The following CEP43 variants were observed in gnomAD, a reference collection of about 807,000 sequenced individuals.
CEP43 encodes the protein FGFR1 oncogene partner.
Under a neutral mutation model 52.6 loss-of-function variants are expected in CEP43, and 36 were observed. The ratio of observed to expected loss-of-function variants is 0.68; its 90% CI spans 0.52 to 0.90. The LOEUF (loss-of-function observed/expected upper bound fraction) is 0.90, where lower values mean the gene tolerates loss of function less well. CEP43 is among the 40% of genes least tolerant of loss of function. CEP43 has a pLI of 0.00. For missense variants in CEP43, 506 were observed against 472.8 expected, an observed-to-expected ratio of 1.07 and a Z score of -0.65; for synonymous variants, 192 against 172.4, an observed-to-expected ratio of 1.11 and a Z score of -0.89.
chr6:167,036,620 T>C, intron 12 of CEP43: 1 of 985,434 alleles, frequency 1.0e-6, no homozygotes. Context: ...CAAGTTCCCG[T>C]CGATTTGTAT....
At chr6:167,013,642 T>G (rs1780031887) in intron 7 of CEP43, 75 bp downstream of exon 7, 2 of 1,189,282 alleles carry the variant, frequency 1.7e-6, no homozygotes, top group African/African-American at 3.1e-5. Flanking sequence ...CCTGGAGCGC[T>G]GGGCTCCTGT....
rs2128657503 is a variant in CEP43, at chr6:167,004,362, G to A, written c.399G>A (p.Arg133=). The A allele has an allele frequency of 1.9e-6, 3 of 1,605,242 alleles. 1 individual carries two copies. In the East Asian group the frequency reaches 6.7e-5, roughly 36 times the overall value. ...VGGPLLLEVI[R]RCQQKEKGPT... is the part of the protein sequence containing the mutation. Reference sequence around the variant, plus strand: ...GACCCTTATTATTAGAAGTGATCAGGCGCTGTCAACAGAAAGAAAAAGGGC... The same window carrying A: ...GACCCTTATTATTAGAAGTGATCAGACGCTGTCAACAGAAAGAAAAAGGGC... Residue 133 remains arginine (R), a synonymous_variant, in exon 5 of 13, where the codon AGG becomes AGA. Transcript: ENST00000366847.
intron 8 of CEP43, among the ~76,000 whole-genome samples, chr6:167,023,305 A>G (rs1373640732): frequency 6.6e-6 from 1 of 152,166 alleles, no homozygotes; most frequent in African/African-American, 2.4e-5. Context: ...TTGCTGGGGA[A>G]GGTTGGTCTT....
intron 3 of CEP43, chr6:167,003,513 T>C (rs1269688498): frequency 1.1e-5 from 6 of 536,616 alleles, no homozygotes; most frequent in Admixed American, 1.0e-4. Context: ...GATGATTGTC[T>C]TACAGTTAGT....
intron 12 of CEP43, 111 bp from the exon 13 acceptor site, chr6:167,039,793 C>G: frequency 1.9e-6 from 2 of 1,055,996 alleles, no homozygotes; most frequent in Non-Finnish European, 2.8e-6. Context: ...TTGATTATGG[C>G]CATTCTTGCA....
At chr6:167,003,581 A>G (rs892747776) in intron 3 of CEP43, 142 bp from the exon 4 acceptor site, 1 of 589,716 alleles carries the variant, frequency 1.7e-6, no homozygotes, top group Non-Finnish European at 3.0e-6. Context: ...TTACTTAATC[A>G]TATTATTCAA....
chr6:167,017,187 G>A (rs1025690368), intron 7 of CEP43, among the ~76,000 whole-genome samples: 1 of 151,808 alleles, frequency 6.6e-6, no homozygotes, highest in African/African-American at 2.4e-5. Context: ...AGTAGAGACG[G>A]GGTTTCACTG....
intron 7 of CEP43, among the ~76,000 whole-genome samples, chr6:167,019,748 T>C (rs1464413626): frequency 6.6e-6 from 1 of 152,242 alleles, no homozygotes; most frequent in African/African-American, 2.4e-5. Context: ...GCGGGAATAT[T>C]GGTCAAACCT....
chr6:167,044,406 A>C lies in CEP43; in HGVS notation c.*4428A>C. 1 of 985,418 alleles carries C rather than the reference A, an allele frequency of 1.0e-6. No individual in the cohort carries two copies. The highest frequency in any genetic ancestry group is 1.2e-6 in the Non-Finnish European group (1 of 829,910). The allele number at this position is 985,418 out of a possible 1,614,324, so 61.0% of individuals were successfully genotyped here. On this transcript the variant is annotated 3_prime_UTR_variant, in exon 13 of 13. Coordinates refer to ENST00000366847, the MANE Select transcript of CEP43 (RefSeq NM_007045.4). Reference sequence around the variant, plus strand: ...TTTCAAAGAAATCTTTATGTTTAGCAAGAAGACCAAGATGACAAGATGCGC... The same window carrying C: ...TTTCAAAGAAATCTTTATGTTTAGCCAGAAGACCAAGATGACAAGATGCGC...
chr6:167,010,397 G>A (rs1017969781), intron 5 of CEP43, among the ~76,000 whole-genome samples: 1 of 152,198 alleles, frequency 6.6e-6, no homozygotes, highest in African/African-American at 2.4e-5. Context: ...TTTAATGAAA[G>A]TTGTTATTTG....
chr6:167,007,455 C>T (rs1341481036), intron 5 of CEP43, among the ~76,000 whole-genome samples: 1 of 152,144 alleles, frequency 6.6e-6, no homozygotes, highest in Non-Finnish European at 1.5e-5. Context: ...ATCTCATCTC[C>T]ATTTTTTGCT....
At position 167,046,428 on chromosome 6, in the gene CEP43, T is replaced by G. The variant is rs980702361; in HGVS notation, c.*6450T>G. On this transcript the variant is annotated 3_prime_UTR_variant, in exon 13 of 13. Coordinates refer to ENST00000366847, the MANE Select transcript of CEP43 (RefSeq NM_007045.4). ...GAAGGGAAAGAATGAAGAAAGCCAT[T>G]TGTTCCTGCAAACCTAAACCTCTTT... 1 of 152,140 alleles carries G rather than the reference T, an allele frequency of 6.6e-6. No individual in the cohort carries two copies. The highest frequency in any genetic ancestry group is 2.4e-5 in the African/African-American group (1 of 41,394). The allele number at this position is 152,140 out of a possible 1,614,324, so 9.4% of individuals were successfully genotyped here.
At chr6:167,016,990 AT>A (rs60484474) in intron 7 of CEP43, among the ~76,000 whole-genome samples, 7,917 of 148,630 alleles carry the variant, frequency 0.053, 271 homozygotes, top group South Asian at 0.11. Flanking sequence ...TTATTTATTT[AT>A]TTTTTTTTTT....
chr6:167,036,259 A>G, intron 12 of CEP43: 1 of 985,432 alleles, frequency 1.0e-6, no homozygotes. Context: ...GGAACATGGT[A>G]AGCTCCATGA....
intron 9 of CEP43, chr6:167,025,167 A>G (rs1235954582): frequency 2.1e-5 from 5 of 234,058 alleles, no homozygotes; most frequent in African/African-American, 6.7e-5. Flanking sequence ...TTTATTATCT[A>G]TAGAAATAAA....
At position 167,040,012 on chromosome 6, in the gene CEP43, C is replaced by A. The variant is rs935092018; in HGVS notation, c.*34C>A. 6.2e-7 allele frequency: 1 copy of A among 1,601,276 alleles called. No individual in the cohort carries two copies. The highest frequency in any genetic ancestry group is 1.4e-5 in the African/African-American group (1 of 72,238). On this transcript the variant is annotated 3_prime_UTR_variant, in exon 13 of 13. Transcript: ENST00000366847. ...AAGGAAGTATTCTAATTAACAAGGACAGAGGACTGACCGGTTCCATTTTTT... is the reference window on the plus strand; with the variant it reads ...AAGGAAGTATTCTAATTAACAAGGAAAGAGGACTGACCGGTTCCATTTTTT...
chr6:166,999,535 C>T (rs1779675276), intron 1 of CEP43, 21 bp downstream of exon 1: 6 of 1,386,804 alleles, frequency 4.3e-6, no homozygotes, highest in South Asian at 1.6e-5. Flanking sequence ...AGGCTGGGGC[C>T]GGGCCTGGCG....
At chr6:167,029,120 C>A (rs973253137) in intron 10 of CEP43, among the ~76,000 whole-genome samples, 1 of 152,144 alleles carries the variant, frequency 6.6e-6, no homozygotes, top group Non-Finnish European at 1.5e-5. Flanking sequence ...AAAAGCCATT[C>A]TTAGTTCACA....
chr6:167,023,077 C>T (rs1406224786), intron 8 of CEP43, among the ~76,000 whole-genome samples: 1 of 152,064 alleles, frequency 6.6e-6, no homozygotes, highest in African/African-American at 2.4e-5. Flanking sequence ...TGGAGGTGCC[C>T]AGTGAGCAAA....
Sources: gnomAD v4.1 joint callset for allele counts (sites outside exome capture counted in the v4.1 genomes callset) on GRCh38, gnomAD v4.1.1 for gene constraint, MANE v1.5 for transcripts, NCBI Gene and HGNC (gene_info 2026-07-23, HGNC 2026-07-21) for gene names.